Variants in NAA35 observed in about 807,000 individuals in gnomAD.
The protein encoded by NAA35 is MAK10 homolog, amino-acid N-acetyltransferase subunit.
NAA35 carries 18 observed loss-of-function variants against 101.7 expected under a neutral mutation model. The ratio of observed to expected loss-of-function variants is 0.18; its 90% CI spans 0.12 to 0.26. NAA35 has a LOEUF of 0.26. Ranked by LOEUF, NAA35 falls within the 10% of genes least tolerant of loss-of-function variation. NAA35 has a pLI of 1.00. For missense variants in NAA35, 601 were observed against 886.8 expected, an observed-to-expected ratio of 0.68 and a Z score of 4.09; for synonymous variants, 267 against 273.1, an observed-to-expected ratio of 0.98 and a Z score of 0.22.
At chr9:86,019,232 G>A (rs533202949) in intron 21 of NAA35, among the ~76,000 whole-genome samples, 1 of 152,156 alleles carries the variant, frequency 6.6e-6, no homozygotes, top group Admixed American at 6.5e-5. Flanking sequence ...GCCGAGGTGG[G>A]TGGATCACCT....
At position 85,941,205 on chromosome 9, in the gene NAA35, C is replaced by T; in HGVS notation, c.-74C>T. 1 of 986,800 alleles carries T rather than the reference C, an allele frequency of 1.0e-6. No homozygotes were observed. Among genetic ancestry groups the T allele is most frequent in the Non-Finnish European group, 1.2e-6 (1 of 830,894 alleles). The allele number at this position is 986,800 out of a possible 1,614,324, so 61.1% of individuals were successfully genotyped here. A position where few individuals can be genotyped will look rare whatever the true frequency, so the allele number is the denominator to read the frequency against. The stretch of plus-strand genomic sequence containing the variant: ...CTGAGAGGGGAGGGGGCGGCGGCGG[C>T]CGAGGCGGCGTCGTTATTTCCGTGG... On this transcript the variant is annotated 5_prime_UTR_variant, in exon 1 of 23. Transcript: ENST00000361671.
chr9:85,954,858 G>C (rs958581038), intron 2 of NAA35, among the ~76,000 whole-genome samples: 1 of 152,150 alleles, frequency 6.6e-6, no homozygotes, highest in African/African-American at 2.4e-5. Context: ...TGGGTTCCCA[G>C]ACCACTCTTC....
chr9:85,950,452 C>T (rs757603210), intron 2 of NAA35, among the ~76,000 whole-genome samples: 4 of 152,144 alleles, frequency 2.6e-5, no homozygotes, highest in Non-Finnish European at 4.4e-5. Flanking sequence ...ACCATGTTGG[C>T]CAGGCTGTTC....
chr9:85,946,788 T>G (rs1015680346), intron 2 of NAA35, among the ~76,000 whole-genome samples: 3 of 152,292 alleles, frequency 2.0e-5, no homozygotes, highest in Admixed American at 2.0e-4. Flanking sequence ...TGGACATGCC[T>G]GGCTTTGTTC....
intron 2 of NAA35, among the ~76,000 whole-genome samples, chr9:85,945,453 AT>A (rs548269393): frequency 1.7e-3 from 252 of 152,154 alleles, no homozygotes; most frequent in African/African-American, 5.8e-3. Context: ...TAAAACAGAT[AT>A]GATTACACTC....
Position 86,013,055 on chromosome 9 carries a change from A to G in NAA35, c.1300A>G (p.Ser434Gly). Reference sequence around the variant, plus strand: ...TATATGTGTATTGCAGCCATTCTGTAGTCTTATTCAGATCCATGGACATAA... The same window carrying G: ...TATATGTGTATTGCAGCCATTCTGTGGTCTTATTCAGATCCATGGACATAA... ...FVTHCVRPFC[S>G]LIQIHGHNRA... The change falls in exon 16 of 23, where the codon AGT becomes GGT. Residue 434 changes from serine (S) to glycine (G), a missense_variant. Around this residue, in one of 8 missense-constraint regions of NAA35, gnomAD observed 190 missense variants for 223.1 expected, o/e 0.85. Transcript: ENST00000361671. 1 of 1,559,984 alleles carries G rather than the reference A, an allele frequency of 6.4e-7. No homozygotes were observed. The highest frequency in any genetic ancestry group is 8.7e-7 in the Non-Finnish European group (1 of 1,144,908).
intron 11 of NAA35, among the ~76,000 whole-genome samples, chr9:85,981,787 G>A (rs1226743541): frequency 2.0e-5 from 3 of 152,100 alleles, no homozygotes; most frequent in Non-Finnish European, 4.4e-5. Context: ...TAAGCTGTAC[G>A]ATTCTATAAT....
chr9:85,974,331 A>G (rs1470389080), intron 6 of NAA35, among the ~76,000 whole-genome samples: 1 of 152,190 alleles, frequency 6.6e-6, no homozygotes, highest in Non-Finnish European at 1.5e-5. Flanking sequence ...TTGTTAATCA[A>G]ATCAGCCAGA....
Position 86,018,392 on chromosome 9 carries a change from C to A in NAA35, c.1911C>A (p.Phe637Leu). The change falls in exon 20 of 23, where the codon TTC becomes TTA. Residue 637 changes from phenylalanine to leucine, a missense_variant. Phe to Leu is a conservative substitution (Grantham distance 22). Coordinates refer to ENST00000361671, the MANE Select transcript of NAA35 (RefSeq NM_024635.4). ...MTPPPVHYLQFKEMSDLNKYS... is the reference protein window; with the variant it reads ...MTPPPVHYLQLKEMSDLNKYS... ...CGCCGCCAGTGCACTACTTACAGTTCAAGGTGAACCTGCTCAATGAACTTG... is the reference window on the plus strand; with the variant it reads ...CGCCGCCAGTGCACTACTTACAGTTAAAGGTGAACCTGCTCAATGAACTTG... The A allele has an allele frequency of 6.2e-7, 1 of 1,608,134 alleles. No homozygotes were observed. The highest frequency in any genetic ancestry group is 8.5e-7 in the Non-Finnish European group (1 of 1,176,080).
chr9:85,941,438 C>G, intron 1 of NAA35, 165 bp downstream of exon 1: 1 of 985,392 alleles, frequency 1.0e-6, no homozygotes, highest in Non-Finnish European at 1.2e-6. Flanking sequence ...TGCCCGCTGT[C>G]GGCCGAGGCC....
intron 17 of NAA35, 152 bp downstream of exon 17, chr9:86,014,049 T>C (rs1033581997): frequency 1.2e-5 from 7 of 560,398 alleles, no homozygotes; most frequent in Non-Finnish European, 1.8e-5. Flanking sequence ...CTAGATCATC[T>C]TGAATATCTT....
intron 11 of NAA35, among the ~76,000 whole-genome samples, chr9:85,981,374 A>G (rs1208577267): frequency 6.6e-6 from 1 of 152,228 alleles, no homozygotes. Flanking sequence ...TTGTGTATCA[A>G]AAAGATGATG....
chr9:85,961,974 T>G, intron 5 of NAA35, 39 bp from the exon 6 acceptor site: 1 of 1,532,868 alleles, frequency 6.5e-7, no homozygotes, highest in Non-Finnish European at 8.8e-7. Flanking sequence ...GCAGACTCAG[T>G]TTATCACCTT....
intron 6 of NAA35, among the ~76,000 whole-genome samples, chr9:85,965,631 A>G (rs1829710876): frequency 6.6e-6 from 1 of 152,172 alleles, no homozygotes; most frequent in South Asian, 2.1e-4. Flanking sequence ...CTGTCTCAAA[A>G]AAAGGGTATT....
intron 6 of NAA35, among the ~76,000 whole-genome samples, chr9:85,970,560 C>G (rs889318177): frequency 1.1e-4 from 17 of 152,158 alleles, no homozygotes; most frequent in Non-Finnish European, 1.5e-4. Flanking sequence ...CTAGGAAGGA[C>G]ACATCATCAT....
At chr9:85,943,593 T>A (rs958984540) in intron 2 of NAA35, among the ~76,000 whole-genome samples, 2 of 149,678 alleles carry the variant, frequency 1.3e-5, no homozygotes, top group African/African-American at 5.1e-5. Flanking sequence ...GGAAAGGACG[T>A]AAGACTGGGA....
At chr9:85,956,759 TAGTC>T (rs774524329) in intron 3 of NAA35, among the ~76,000 whole-genome samples, 6 of 152,336 alleles carry the variant, frequency 3.9e-5, no homozygotes, top group African/African-American at 1.2e-4. Context: ...CCCTGTGTCT[TAGTC>T]AGTTTAGTGT....
chr9:85,976,872 A>G, intron 9 of NAA35, 137 bp downstream of exon 9: 1 of 593,510 alleles, frequency 1.7e-6, no homozygotes, highest in Non-Finnish European at 2.9e-6. Context: ...AAGGGATTTT[A>G]TTTCCCTTGT....
chr9:86,010,326 C>G (rs1376950535), intron 15 of NAA35, among the ~76,000 whole-genome samples: 1 of 151,798 alleles, frequency 6.6e-6, no homozygotes, highest in East Asian at 1.9e-4. Flanking sequence ...TCTAATATTT[C>G]TTGTTTACTT....
Sources: allele counts gnomAD v4.1 joint callset (sites outside exome capture counted in the v4.1 genomes callset), GRCh38; gene constraint gnomAD v4.1.1; regional missense constraint gnomAD v4.1.1; transcripts MANE v1.5; gene names NCBI Gene and HGNC (gene_info 2026-07-23, HGNC 2026-07-21).